The following TPCN2 variants were observed in gnomAD, a reference collection of about 807,000 sequenced individuals.
The protein encoded by TPCN2 is two pore channel protein 2.
A neutral mutation model predicts 111.4 loss-of-function variants in TPCN2; 92 were observed. The ratio of observed to expected loss-of-function variants is 0.83; its 90% CI spans 0.70 to 0.98. The LOEUF (loss-of-function observed/expected upper bound fraction) is 0.98, where lower values mean the gene tolerates loss of function less well. TPCN2 is among the 50% of genes least tolerant of loss of function. The pLI is 0.00. For missense variants in TPCN2, 995 were observed against 980.1 expected, an observed-to-expected ratio of 1.02 and a Z score of -0.20; for synonymous variants, 405 against 414.5, an observed-to-expected ratio of 0.98 and a Z score of 0.28.
At chr11:69,081,563 G>GCTCACCCACCCTGGA in intron 18 of TPCN2, 64 bp downstream of exon 18, 1 of 1,305,876 alleles carries the variant, frequency 7.7e-7, no homozygotes, top group Non-Finnish European at 1.1e-6. Flanking sequence ...GTTGCTCCAG[G>GCTCACCCACCCTGGA]GTGGGTGAGC....
rs1016581926 is a variant in TPCN2, at chr11:69,067,357, C to T, written c.727-146C>T. On this transcript the variant is annotated intron_variant, in intron 7 of 24. Transcript: ENST00000294309. ...AGATCCTGAGTTTGGTCCTGTCTGG[C>T]CATGAGCTCAGCCTGCTGGGAGGCC... The T allele has an allele frequency of 8.2e-6, 6 of 732,988 alleles. No individual in the cohort carries two copies. In the African/African-American group the frequency reaches 8.7e-5, roughly 11 times the overall value. 45.4% of individuals were successfully genotyped at this position (732,988 alleles called of 1,614,324 possible). A position where few individuals can be genotyped will look rare whatever the true frequency, so the allele number is the denominator to read the frequency against.
At chr11:69,072,860 C>G in intron 12 of TPCN2, 55 bp from the exon 13 acceptor site, 21 of 1,539,430 alleles carry the variant, frequency 1.4e-5, no homozygotes, top group Non-Finnish European at 1.9e-5. Flanking sequence ...CGCTCACCTT[C>G]GAGGGCGCTC....
At chr11:69,077,879 G>A (rs1291357037) in intron 13 of TPCN2, among the ~76,000 whole-genome samples, 4 of 152,188 alleles carry the variant, frequency 2.6e-5, no homozygotes, top group African/African-American at 4.8e-5. Context: ...TGAAATAGCC[G>A]CCGGTGGTCA....
At chr11:69,052,906 C>T (rs1377796207) in intron 1 of TPCN2, among the ~76,000 whole-genome samples, 20 of 152,376 alleles carry the variant, frequency 1.3e-4, no homozygotes, top group Admixed American at 8.5e-4. Flanking sequence ...ACCCTCTCCC[C>T]GTGCTGGGAA....
At chr11:69,054,573 G>A in intron 2 of TPCN2, 148 bp from the exon 3 acceptor site, 1 of 718,624 alleles carries the variant, frequency 1.4e-6, no homozygotes, top group Non-Finnish European at 2.4e-6. Flanking sequence ...GGGCCTGATG[G>A]GTCAGGGCTG....
intron 4 of TPCN2, 148 bp from the exon 5 acceptor site, chr11:69,057,430 C>A: frequency 1.3e-6 from 1 of 746,602 alleles, no homozygotes; most frequent in Non-Finnish European, 2.3e-6. Flanking sequence ...GGCCTCCTGA[C>A]TGCTGCTCTG....
intron 22 of TPCN2, among the ~76,000 whole-genome samples, chr11:69,086,175 G>A (rs1310917344): frequency 1.3e-5 from 2 of 152,236 alleles, no homozygotes; most frequent in Non-Finnish European, 2.9e-5. Flanking sequence ...GGTCGTTGGT[G>A]TGTTTGGGGC....
intron 22 of TPCN2, 87 bp downstream of exon 22, chr11:69,086,017 G>A (rs1448607866): frequency 1.2e-5 from 16 of 1,347,194 alleles, no homozygotes; most frequent in Admixed American, 3.9e-5. Context: ...TGCACTGGAC[G>A]CCCGGAGCGT....
chr11:69,049,746 C>G (rs1328420327), intron 1 of TPCN2, among the ~76,000 whole-genome samples: 3 of 152,196 alleles, frequency 2.0e-5, no homozygotes, highest in African/African-American at 7.2e-5. Flanking sequence ...CCTCTGCACT[C>G]CCTCCTGCCC....
chr11:69,084,251 A>T (rs1283579520), intron 19 of TPCN2, among the ~76,000 whole-genome samples: 1 of 152,128 alleles, frequency 6.6e-6, no homozygotes, highest in Non-Finnish European at 1.5e-5. Context: ...CTGCCTGAGC[A>T]TCCTTCCCTC....
intron 13 of TPCN2, among the ~76,000 whole-genome samples, chr11:69,073,574 C>A (rs145843190): frequency 2.7e-4 from 41 of 152,372 alleles, no homozygotes; most frequent in Middle Eastern, 3.4e-3. Flanking sequence ...AGTTCTGTGT[C>A]ACTTTTCTCG....
At chr11:69,084,655 A>G in intron 19 of TPCN2, 1 of 985,418 alleles carries the variant, frequency 1.0e-6, no homozygotes, top group Non-Finnish European at 1.2e-6. Context: ...CAGTTTTGCC[A>G]TTTTATTCTG....
At position 69,072,974 on chromosome 11, in the gene TPCN2, C is replaced by T. The variant is rs959729657; in HGVS notation, c.1203C>T (p.Asn401=). The change falls in exon 13 of 25, where the codon AAC becomes AAT. Residue 401 remains asparagine, a synonymous_variant. Coordinates refer to ENST00000294309, the MANE Select transcript of TPCN2 (RefSeq NM_139075.4). Reference sequence around the variant, plus strand: ...CTGAGGAGTTTCAGAAGCTCTTCAACGAGCTTGACAGAAGTGTGGTTAAAG... The same window carrying T: ...CTGAGGAGTTTCAGAAGCTCTTCAATGAGCTTGACAGAAGTGTGGTTAAAG... The part of the protein sequence containing the change: ...LSAEEFQKLF[N]ELDRSVVKEH... 5 of 1,613,842 alleles carry T rather than the reference C, an allele frequency of 3.1e-6. No homozygotes were observed. Among genetic ancestry groups the T allele is most frequent in the South Asian group, 2.2e-5 (2 of 90,984 alleles).
intron 2 of TPCN2, chr11:69,054,439 G>T: frequency 1.8e-6 from 1 of 563,880 alleles, no homozygotes; most frequent in Non-Finnish European, 3.2e-6. Context: ...CTCGCAGGCA[G>T]ACACGGGCAC....
Position 69,087,952 on chromosome 11 carries a change from G to C in TPCN2, c.2258G>C (p.Ter753SerextTer123). 1 of 1,607,218 alleles carries C rather than the reference G, an allele frequency of 6.2e-7. No homozygotes were observed. Among genetic ancestry groups the C allele is most frequent in the Non-Finnish European group, 8.5e-7 (1 of 1,178,386 alleles). The part of the protein sequence containing the change: ...SQHPHLWLCR[*>S] ...CACCCGCACCTGTGGCTGTGCAGGT[G>C]ACGTCCGGGCTGCCGTCCCAGCAGG... Residue 753 changes from the stop codon to serine, a stop_lost, in exon 25 of 25, where the codon TGA becomes TCA. Transcript: ENST00000294309.
At chr11:69,070,611 A>G in intron 9 of TPCN2, 116 bp downstream of exon 9, 1 of 777,746 alleles carries the variant, frequency 1.3e-6, no homozygotes, top group Non-Finnish European at 2.1e-6. Context: ...CACTCCAGAG[A>G]TCACCCCAGG....
intron 7 of TPCN2, 117 bp from the exon 8 acceptor site, chr11:69,067,386 G>T: frequency 1.1e-6 from 1 of 901,644 alleles, no homozygotes; most frequent in South Asian, 1.5e-5. Context: ...GGAGGCCACA[G>T]GGAGATGCAG....
chr11:69,057,556 C>T (rs1373717944), intron 4 of TPCN2, 22 bp from the exon 5 acceptor site: 1 of 1,606,952 alleles, frequency 6.2e-7, no homozygotes. Context: ...ACTTGCTGCT[C>T]ACCCGCCCGT....
intron 1 of TPCN2, among the ~76,000 whole-genome samples, chr11:69,052,930 C>T (rs141415680): frequency 9.2e-5 from 14 of 152,374 alleles, no homozygotes; most frequent in East Asian, 3.9e-4. Flanking sequence ...TCAGCCTCTC[C>T]GGGCTCCTCA....
Sources: gnomAD v4.1 joint callset for allele counts (sites outside exome capture counted in the v4.1 genomes callset) on GRCh38, gnomAD v4.1.1 for gene constraint, MANE v1.5 for transcripts, NCBI Gene and HGNC (gene_info 2026-07-23, HGNC 2026-07-21) for gene names.